THSD7A: variants seen among roughly 807,000 people sequenced by gnomAD.
The protein encoded by THSD7A is thrombospondin type-1 domain-containing protein 7A.
Under a neutral mutation model 231.3 loss-of-function variants are expected in THSD7A, and 96 were observed. That is an observed-to-expected ratio of 0.41 (90% CI 0.35 to 0.49). The LOEUF (loss-of-function observed/expected upper bound fraction) is 0.49, where lower values mean the gene tolerates loss of function less well. Ranked by LOEUF, THSD7A falls within the 20% of genes least tolerant of loss-of-function variation. The pLI is 0.05. For synonymous variants in THSD7A, 940 were observed against 743.3 expected (o/e 1.26, Z -4.30); for missense variants, 2,290 against 2,070.2 (o/e 1.11, Z -2.06).
chr7:11,539,862 C>A (rs1413775540), intron 6 of THSD7A, among the ~76,000 whole-genome samples: 1 of 152,146 alleles, frequency 6.6e-6, no homozygotes, highest in Non-Finnish European at 1.5e-5. Flanking sequence ...TTCACAATAC[C>A]TGAGACCCTA....
At chr7:11,764,931 T>C (rs1782985623) in intron 1 of THSD7A, among the ~76,000 whole-genome samples, 1 of 152,096 alleles carries the variant, frequency 6.6e-6, no homozygotes, top group Admixed American at 6.5e-5. Context: ...AACTCTAATG[T>C]AAGTAGAAAT....
At chr7:11,811,066 G>A (rs1002287113) in intron 1 of THSD7A, among the ~76,000 whole-genome samples, 65 of 152,118 alleles carry the variant, frequency 4.3e-4, no homozygotes, top group African/African-American at 1.5e-3. Flanking sequence ...ATAAGCTGCA[G>A]ATTAAATTAT....
intron 1 of THSD7A, among the ~76,000 whole-genome samples, chr7:11,811,959 T>C (rs1784538529): frequency 6.6e-6 from 1 of 152,120 alleles, no homozygotes; most frequent in Non-Finnish European, 1.5e-5. Flanking sequence ...TTCCTGAAAT[T>C]AAAAGTATAC....
chr7:11,522,173 G>T (rs1351272407), intron 6 of THSD7A, among the ~76,000 whole-genome samples: 2 of 152,114 alleles, frequency 1.3e-5, no homozygotes, highest in Non-Finnish European at 2.9e-5. Context: ...TTGCCGGAGT[G>T]AGGGCATTCG....
intron 2 of THSD7A, among the ~76,000 whole-genome samples, chr7:11,606,154 T>G (rs1023622785): frequency 3.3e-5 from 5 of 152,222 alleles, no homozygotes; most frequent in Admixed American, 3.3e-4. Context: ...TACAGCAATT[T>G]GAAATTGCTG....
At chr7:11,645,391 C>T (rs1298369196) in intron 1 of THSD7A, among the ~76,000 whole-genome samples, 1 of 151,734 alleles carries the variant, frequency 6.6e-6, no homozygotes, top group Admixed American at 6.6e-5. Context: ...CTTTCACTAA[C>T]ACAATAGTAT....
At chr7:11,525,875 A>G (rs941381721) in intron 6 of THSD7A, among the ~76,000 whole-genome samples, 9 of 152,184 alleles carry the variant, frequency 5.9e-5, no homozygotes, top group African/African-American at 1.9e-4. Flanking sequence ...TCCACATTCT[A>G]AATGTAACGT....
chr7:11,472,723 T>C (rs1785988121), intron 8 of THSD7A, among the ~76,000 whole-genome samples: 2 of 152,174 alleles, frequency 1.3e-5, no homozygotes. Context: ...GTACATCCAT[T>C]ACTCAGGAAA....
intron 1 of THSD7A, among the ~76,000 whole-genome samples, chr7:11,787,737 A>C (rs1783834889): frequency 1.3e-5 from 2 of 152,114 alleles, no homozygotes; most frequent in Admixed American, 1.3e-4. Flanking sequence ...ACTAGAATTC[A>C]AAACCATGAC....
At chr7:11,753,361 A>G (rs1782567644) in intron 1 of THSD7A, among the ~76,000 whole-genome samples, 1 of 152,064 alleles carries the variant, frequency 6.6e-6, no homozygotes, top group Non-Finnish European at 1.5e-5. Context: ...GCTGGTATGC[A>G]TTATTGCAAT....
chr7:11,472,043 C>G (rs1033766880), intron 8 of THSD7A, among the ~76,000 whole-genome samples: 3 of 152,088 alleles, frequency 2.0e-5, no homozygotes, highest in African/African-American at 7.2e-5. Flanking sequence ...ATAGTCACAG[C>G]AAGATACTTG....
chr7:11,743,870 A>C (rs1782188947), intron 1 of THSD7A, among the ~76,000 whole-genome samples: 1 of 151,926 alleles, frequency 6.6e-6, no homozygotes, highest in Admixed American at 6.6e-5. Context: ...TTTTGGATCC[A>C]AGTAATGAAT....
At chr7:11,524,183 C>T (rs1367503365) in intron 6 of THSD7A, among the ~76,000 whole-genome samples, 1 of 152,106 alleles carries the variant, frequency 6.6e-6, no homozygotes, top group Non-Finnish European at 1.5e-5. Flanking sequence ...TACCCTGGCT[C>T]TGTGGTGGTA....
intron 1 of THSD7A, among the ~76,000 whole-genome samples, chr7:11,735,659 C>G (rs1781891140): frequency 6.6e-6 from 1 of 151,858 alleles, no homozygotes; most frequent in African/African-American, 2.4e-5. Context: ...CTCTCAAGCA[C>G]AAGTTTTATG....
chr7:11,497,583 G>T (rs1787154165), intron 6 of THSD7A, among the ~76,000 whole-genome samples: 1 of 152,060 alleles, frequency 6.6e-6, no homozygotes, highest in Non-Finnish European at 1.5e-5. Flanking sequence ...GGAGTATAAT[G>T]TACTCTCAAT....
At chr7:11,802,128 T>A (rs1201227148) in intron 1 of THSD7A, among the ~76,000 whole-genome samples, 1 of 152,134 alleles carries the variant, frequency 6.6e-6, no homozygotes, top group Non-Finnish European at 1.5e-5. Flanking sequence ...TATGAGAAAT[T>A]TTCAACTTAA....
chr7:11,820,631 T>C (rs1267581959), intron 1 of THSD7A: 1 of 753,238 alleles, frequency 1.3e-6, no homozygotes, highest in African/African-American at 1.7e-5. Flanking sequence ...GAAAGTTTCC[T>C]CGAGCGCTCT....
chr7:11,611,835 CATCTGTCTATCT>C (rs1297224835), intron 2 of THSD7A, among the ~76,000 whole-genome samples: 2 of 135,924 alleles, frequency 1.5e-5, no homozygotes, highest in African/African-American at 2.8e-5. Context: ...CACACACTAT[CATCTGTCTATCT>C]ATCTATCTAT....
At chr7:11,622,592 C>T (rs1781349535) in intron 2 of THSD7A, among the ~76,000 whole-genome samples, 1 of 152,042 alleles carries the variant, frequency 6.6e-6, no homozygotes, top group African/African-American at 2.4e-5. Context: ...CTTCTAGTGT[C>T]AAATATGACT....
Sources: allele counts gnomAD v4.1 joint callset (sites outside exome capture counted in the v4.1 genomes callset), GRCh38; gene constraint gnomAD v4.1.1; transcripts MANE v1.5; gene names NCBI Gene and HGNC (gene_info 2026-07-23, HGNC 2026-07-21).